Variants in SGCZ observed in about 807,000 individuals in gnomAD.
SGCZ encodes sarcoglycan zeta, also known as zeta-sarcoglycan.
In SGCZ, 40 loss-of-function variants were observed where a neutral mutation model predicts 41.3. The ratio of observed to expected loss-of-function variants is 0.97; its 90% CI spans 0.75 to 1.26. SGCZ has a LOEUF of 1.26. Among genes scored for constraint, SGCZ ranks in the 50% most tolerant of loss-of-function variants. The probability of loss-of-function intolerance (pLI) is 0.00; values close to 1 mark genes in which losing one functional copy is unlikely to be tolerated. For missense variants in SGCZ, 552 were observed against 369.8 expected, an observed-to-expected ratio of 1.49 and a Z score of -4.04; for synonymous variants, 206 against 137.5, an observed-to-expected ratio of 1.50 and a Z score of -3.49.
chr8:14,705,173 A>C (rs1044399913), intron 1 of SGCZ, among the ~76,000 whole-genome samples: 2 of 151,938 alleles, frequency 1.3e-5, no homozygotes, highest in African/African-American at 2.4e-5. Context: ...TAACAAGAAC[A>C]AAAGCAAATT....
At chr8:14,784,545 G>A (rs550662910) in intron 1 of SGCZ, among the ~76,000 whole-genome samples, 4 of 151,962 alleles carry the variant, frequency 2.6e-5, no homozygotes, top group Non-Finnish European at 5.9e-5. Flanking sequence ...TACTAATTAA[G>A]AAGAGTTTTC....
chr8:14,411,506 G>C (rs1334414055), intron 2 of SGCZ, among the ~76,000 whole-genome samples: 2 of 151,966 alleles, frequency 1.3e-5, no homozygotes, highest in Non-Finnish European at 2.9e-5. Flanking sequence ...TTGAGAATGT[G>C]ATACTTCACT....
intron 1 of SGCZ, among the ~76,000 whole-genome samples, chr8:14,956,039 C>CTTTTT (rs71884770): frequency 2.0e-4 from 24 of 120,180 alleles, no homozygotes; most frequent in African/African-American, 4.5e-4. Context: ...ACTACTTTTA[C>CTTTTT]TTTTTTTTTT....
At chr8:14,710,916 G>A (rs540744074) in intron 1 of SGCZ, among the ~76,000 whole-genome samples, 6 of 152,270 alleles carry the variant, frequency 3.9e-5, no homozygotes, top group African/African-American at 1.4e-4. Flanking sequence ...ATGAAAATAA[G>A]TTAGTAAACT....
chr8:14,738,724 T>C (rs1015281323), intron 1 of SGCZ, among the ~76,000 whole-genome samples: 2 of 152,058 alleles, frequency 1.3e-5, no homozygotes, highest in African/African-American at 4.8e-5. Context: ...GGACATACAA[T>C]GGTAGGTCAT....
In SGCZ at chr8:15,054,725, C is replaced by T. The variant is rs191240153; in HGVS notation, c.39+182860G>A. Among the ~76,000 whole-genome samples the T allele has an allele frequency of 2.4e-4, 37 of 151,868 alleles. 1 individual carries two copies. In the South Asian group the frequency reaches 2.5e-3, roughly 10 times the overall value. On this transcript the variant is annotated intron_variant, in intron 1 of 7. Transcript: ENST00000382080. Reference sequence around the variant, plus strand: ...ATCCCAGCACTTTAGGAGGCTGAGGCGGGCAGACCACGAGGTCAGGAGATC... The same window carrying T: ...ATCCCAGCACTTTAGGAGGCTGAGGTGGGCAGACCACGAGGTCAGGAGATC...
rs370210024 is a variant in SGCZ, at chr8:14,090,635, T to G, written c.747A>C (p.Ile249=). The G allele has an allele frequency of 6.2e-7, 1 of 1,606,728 alleles. No individual in the cohort carries two copies. The highest frequency in any genetic ancestry group is 1.1e-5 in the South Asian group (1 of 90,244). The change falls in exon 8 of 8, where the codon ATA becomes ATC. Residue 249 remains isoleucine (I), a splice_region_variant and synonymous_variant. Coordinates refer to ENST00000382080, the MANE Select transcript of SGCZ (RefSeq NM_139167.4). ...ELHLQSTEGE[I]FLNAETIKLG... ...GCTTGATTGTCTCTGCATTTAAAAA[T>G]ATCTATGGGAAAAAAGAAATTGCAT... is the stretch of plus-strand genomic sequence containing the variant.
chr8:15,145,437 T>C lies in SGCZ; in HGVS notation c.39+92148A>G, dbSNP rs79182730. On this transcript the variant is annotated intron_variant, in intron 1 of 7. Transcript: ENST00000382080. ...TTTGAAATCCCAGATCCACATCTAC[T>C]ATGTGAATTAAGCCACTTAGTATCT... is the stretch of plus-strand genomic sequence containing the variant. 7.2e-3 allele frequency among the ~76,000 whole-genome samples: 1,096 copies of C among 152,316 alleles called. 14 individuals carry two copies. The highest frequency in any genetic ancestry group is 0.026 in the African/African-American group (1,062 of 41,566).
At chr8:14,333,671 T>A (rs1802413152) in intron 2 of SGCZ, among the ~76,000 whole-genome samples, 1 of 152,144 alleles carries the variant, frequency 6.6e-6, no homozygotes. Context: ...TCTCCTAACA[T>A]TTTGGTCAAT....
At chr8:14,934,415 C>T in intron 1 of SGCZ, among the ~76,000 whole-genome samples, 1 of 151,658 alleles carries the variant, frequency 6.6e-6, no homozygotes, top group South Asian at 2.1e-4. Context: ...GATTATTGAG[C>T]AAAGACCAAA....
chr8:14,401,547 T>C (rs1202953822), intron 2 of SGCZ, among the ~76,000 whole-genome samples: 1 of 150,020 alleles, frequency 6.7e-6, no homozygotes, highest in East Asian at 2.0e-4. Flanking sequence ...GTTTGGTTTT[T>C]TGTTCTTGCG....
chr8:14,828,846 A>G (rs981236716), intron 1 of SGCZ, among the ~76,000 whole-genome samples: 7 of 152,222 alleles, frequency 4.6e-5, no homozygotes, highest in African/African-American at 1.4e-4. Flanking sequence ...TTACCATAAC[A>G]ATGCTTCCAC....
intron 3 of SGCZ, among the ~76,000 whole-genome samples, chr8:14,310,632 T>C (rs1801504629): frequency 6.6e-6 from 1 of 152,166 alleles, no homozygotes; most frequent in East Asian, 1.9e-4. Flanking sequence ...GTCCCATTCA[T>C]ATTAAGACAC....
At chr8:14,230,650 T>A (rs907294473) in intron 4 of SGCZ, among the ~76,000 whole-genome samples, 1 of 152,102 alleles carries the variant, frequency 6.6e-6, no homozygotes, top group African/African-American at 2.4e-5. Flanking sequence ...ACTGTATACA[T>A]CATATGATTG....
intron 1 of SGCZ, among the ~76,000 whole-genome samples, chr8:14,989,941 G>T (rs145238400): frequency 2.6e-5 from 4 of 152,184 alleles, no homozygotes; most frequent in African/African-American, 9.7e-5. Context: ...TTCCTTCTAC[G>T]TGTAGGGATG....
At chr8:14,097,206 T>C (rs1281567408) in intron 7 of SGCZ, among the ~76,000 whole-genome samples, 1 of 152,228 alleles carries the variant, frequency 6.6e-6, no homozygotes, top group Non-Finnish European at 1.5e-5. Context: ...ATTTTAGATC[T>C]TTCCTGCTTT....
At chr8:14,359,966 C>G (rs2117127698) in intron 2 of SGCZ, among the ~76,000 whole-genome samples, 1 of 152,080 alleles carries the variant, frequency 6.6e-6, no homozygotes, top group Non-Finnish European at 1.5e-5. Flanking sequence ...TCAACATATG[C>G]AAATGAATGT....
intron 5 of SGCZ, among the ~76,000 whole-genome samples, chr8:14,143,284 C>G (rs983193864): frequency 1.3e-5 from 2 of 152,050 alleles, no homozygotes. Flanking sequence ...TCACATCATT[C>G]CCTTACTAAA....
intron 4 of SGCZ, among the ~76,000 whole-genome samples, chr8:14,201,326 C>T (rs913407861): frequency 6.6e-6 from 1 of 152,102 alleles, no homozygotes; most frequent in Non-Finnish European, 1.5e-5. Context: ...TATGCATAAG[C>T]TTCTAGTGGC....
Sources: allele counts gnomAD v4.1 joint callset (sites outside exome capture counted in the v4.1 genomes callset), GRCh38; gene constraint gnomAD v4.1.1; transcripts MANE v1.5; gene names NCBI Gene and HGNC (gene_info 2026-07-23, HGNC 2026-07-21).